The following CC2D2A variants were observed in gnomAD, a reference collection of about 807,000 sequenced individuals.
The protein encoded by CC2D2A is coiled-coil and C2 domain containing 2A.
Under a neutral mutation model 212.9 loss-of-function variants are expected in CC2D2A, and 155 were observed. That is an observed-to-expected ratio of 0.73 (90% CI 0.64 to 0.83). CC2D2A has a LOEUF of 0.83. Ranked by LOEUF, CC2D2A falls within the 40% of genes least tolerant of loss-of-function variation. The probability of loss-of-function intolerance (pLI) is 0.00; values close to 1 mark genes in which losing one functional copy is unlikely to be tolerated. For synonymous variants in CC2D2A, 667 were observed against 686.5 expected (o/e 0.97, Z 0.44); for missense variants, 1,856 against 1,956.2 (o/e 0.95, Z 0.97).
chr4:15,469,906 A>T lies in CC2D2A; in HGVS notation c.-170A>T, dbSNP rs1004071038. 2.0e-5 allele frequency: 3 copies of T among 151,774 alleles called. No homozygotes were observed. Among genetic ancestry groups the T allele is most frequent in the Non-Finnish European group, 2.9e-5 (2 of 68,016 alleles). The allele number at this position is 151,774 out of a possible 1,614,324, so 9.4% of individuals were successfully genotyped here. On this transcript the variant is annotated 5_prime_UTR_variant, in exon 1 of 37. The change abolishes an upstream ATG in the 5' untranslated region. Coordinates refer to ENST00000424120, the MANE Select transcript of CC2D2A (RefSeq NM_001378615.1). ...TAAGCTGGTGTTTTTGCTCCAAGAC[A>T]TGGCTGCAGCTTCCCAGGGAGGAGC...
In CC2D2A at chr4:15,537,508, G is replaced by A. The variant is rs1310563592; in HGVS notation, c.1765-391G>A. 1.2e-4 allele frequency among the ~76,000 whole-genome samples: 18 copies of A among 152,168 alleles called. 1 individual carries two copies. Among genetic ancestry groups the A allele is most frequent in the Admixed American group, 1.2e-3 (18 of 15,282 alleles). ...CTGAGTCCAAGGGCAACAAATAATA[G>A]ATCAGGTGGGCCTGCAATGCTCACT... On this transcript the variant is annotated intron_variant, in intron 15 of 36. Coordinates refer to ENST00000424120, the MANE Select transcript of CC2D2A (RefSeq NM_001378615.1).
At chr4:15,527,909 G>C (rs997402164) in intron 12 of CC2D2A, among the ~76,000 whole-genome samples, 4 of 152,208 alleles carry the variant, frequency 2.6e-5, no homozygotes, top group African/African-American at 9.7e-5. Context: ...GCACCCACCA[G>C]AAGTGGGTGT....
chr4:15,540,505 G>A (rs1458267665), intron 16 of CC2D2A, among the ~76,000 whole-genome samples: 1 of 152,088 alleles, frequency 6.6e-6, no homozygotes. Flanking sequence ...CCTTTGTCTT[G>A]AATTTATTCC....
intron 6 of CC2D2A, among the ~76,000 whole-genome samples, chr4:15,509,351 G>A (rs982176179): frequency 9.3e-5 from 14 of 150,170 alleles, no homozygotes; most frequent in African/African-American, 3.4e-4. Context: ...TCAGCTCACT[G>A]CAACCTCTGC....
intron 19 of CC2D2A, among the ~76,000 whole-genome samples, chr4:15,554,427 T>C (rs1405926305): frequency 1.3e-5 from 2 of 152,028 alleles, no homozygotes; most frequent in South Asian, 2.1e-4. Context: ...TATCCGACTA[T>C]TTTGGGAGGC....
At chr4:15,574,409 T>C (rs1720306561) in intron 29 of CC2D2A, 83 bp downstream of exon 29, 1 of 1,073,318 alleles carries the variant, frequency 9.3e-7, no homozygotes, top group Admixed American at 3.0e-5. Context: ...TATGAACTTT[T>C]TCCTACACAA....
At chr4:15,515,190 C>A (rs1182934755) in intron 9 of CC2D2A, among the ~76,000 whole-genome samples, 1 of 152,192 alleles carries the variant, frequency 6.6e-6, no homozygotes, top group African/African-American at 2.4e-5. Flanking sequence ...TTCCCTAAGT[C>A]ACCATCTCCT....
chr4:15,552,403 A>G (rs563841210), intron 18 of CC2D2A, among the ~76,000 whole-genome samples: 114 of 152,204 alleles, frequency 7.5e-4, no homozygotes, highest in African/African-American at 2.6e-3. Flanking sequence ...TTCTTCAGCC[A>G]TTTACTCAAA....
intron 22 of CC2D2A, among the ~76,000 whole-genome samples, chr4:15,559,818 ATTTAT>A (rs1348711522): frequency 6.6e-6 from 1 of 151,712 alleles, no homozygotes; most frequent in Non-Finnish European, 1.5e-5. Flanking sequence ...TTATTTATTT[ATTTAT>A]TTATTTTTAT....
At chr4:15,471,376 G>A (rs1713803254) in intron 1 of CC2D2A, among the ~76,000 whole-genome samples, 1 of 140,378 alleles carries the variant, frequency 7.1e-6, no homozygotes, top group Admixed American at 7.1e-5. Context: ...GTTGAAGATT[G>A]GAGCTGAAGG....
chr4:15,517,487 G>A (rs1187854553), intron 11 of CC2D2A, among the ~76,000 whole-genome samples: 1 of 152,150 alleles, frequency 6.6e-6, no homozygotes, highest in Non-Finnish European at 1.5e-5. Context: ...GTAACAAGCT[G>A]CCTAATTCCA....
chr4:15,494,472 G>A (rs747548062), intron 4 of CC2D2A, among the ~76,000 whole-genome samples: 4 of 152,214 alleles, frequency 2.6e-5, no homozygotes, highest in Non-Finnish European at 4.4e-5. Context: ...CAGCAGTGCT[G>A]GGGCTCATAC....
chr4:15,596,712 C>A (rs1721337019), intron 34 of CC2D2A, among the ~76,000 whole-genome samples: 1 of 152,122 alleles, frequency 6.6e-6, no homozygotes, highest in South Asian at 2.1e-4. Flanking sequence ...TCCGGATCTA[C>A]CTTTCAGAAA....
At position 15,599,631 on chromosome 4, in the gene CC2D2A, G is replaced by T. The variant is rs556117615; in HGVS notation, c.4599G>T (p.Leu1533=). 6.2e-7 allele frequency: 1 copy of T among 1,613,626 alleles called. No homozygotes were observed. The highest frequency in any genetic ancestry group is 2.2e-5 in the East Asian group (1 of 44,864). The change falls in exon 36 of 37, where the codon CTG becomes CTT. Residue 1533 remains leucine (L), a synonymous_variant. Coordinates refer to ENST00000424120, the MANE Select transcript of CC2D2A (RefSeq NM_001378615.1). ...CTACTCTGCGTCACTTCTTGCCTCT[G>T]TTAGAAAAAAGTCAAGGAGAAGATG... ...CTSTLRHFLP[L]LEKSQGEDVE...
At chr4:15,500,102 T>TAC (rs1715847685) in intron 4 of CC2D2A, among the ~76,000 whole-genome samples, 52 of 67,384 alleles carry the variant, frequency 7.7e-4, no homozygotes, top group African/African-American at 2.3e-3. Flanking sequence ...TGTGTGTGTG[T>TAC]GTGTGTATAT....
rs1720099241 is a variant in CC2D2A, at chr4:15,570,363, T to A, written c.3496-35T>A. ...GATTAATTAAATGAGTTTCTGGAGTTCTTAAGCAATTATTACTTCCCACCC... is the reference window on the plus strand; with the variant it reads ...GATTAATTAAATGAGTTTCTGGAGTACTTAAGCAATTATTACTTCCCACCC... On this transcript the variant is annotated intron_variant, in intron 27 of 36. Coordinates refer to ENST00000424120, the MANE Select transcript of CC2D2A (RefSeq NM_001378615.1). The A allele has an allele frequency of 4.5e-6, 6 of 1,324,644 alleles. No individual in the cohort carries two copies. The Admixed American group carries it at 6.0e-5, about 13-fold the overall frequency. 82.1% of individuals were successfully genotyped at this position (1,324,644 alleles called of 1,614,324 possible). A position where few individuals can be genotyped will look rare whatever the true frequency, so the allele number is the denominator to read the frequency against.
chr4:15,559,015 A>C, intron 21 of CC2D2A, 150 bp from the exon 22 acceptor site: 1 of 616,928 alleles, frequency 1.6e-6, no homozygotes, highest in Non-Finnish European at 2.8e-6. Context: ...ACTCTATCAA[A>C]GACCAATTCT....
intron 30 of CC2D2A, among the ~76,000 whole-genome samples, chr4:15,585,590 A>C (rs192824979): frequency 1.4e-4 from 21 of 152,334 alleles, no homozygotes; most frequent in Admixed American, 1.4e-3. Flanking sequence ...GAATACAGTT[A>C]ATAATAATGT....
In CC2D2A at chr4:15,474,561, A is replaced by C. The variant is rs549957695; in HGVS notation, c.-18-1354A>C. ...AAGGACTATAGTTAATAATAATTTA[A>C]TTGTACATTTAAAAATAACTAAAAG... On this transcript the variant is annotated intron_variant, in intron 1 of 36. Coordinates refer to ENST00000424120, the MANE Select transcript of CC2D2A (RefSeq NM_001378615.1). Among the ~76,000 whole-genome samples the C allele has an allele frequency of 1.8e-4, 28 of 152,304 alleles. No homozygotes were observed. In the South Asian group the frequency reaches 5.6e-3, roughly 30 times the overall value.
Sources: allele counts gnomAD v4.1 joint callset (sites outside exome capture counted in the v4.1 genomes callset), GRCh38; gene constraint gnomAD v4.1.1; transcripts MANE v1.5; gene names NCBI Gene and HGNC (gene_info 2026-07-23, HGNC 2026-07-21).